EPHA6: variants seen among roughly 807,000 people sequenced by gnomAD.
EPHA6 encodes the protein ephrin type-A receptor 6.
A neutral mutation model predicts 112.0 loss-of-function variants in EPHA6; 50 were observed. The observed-to-expected ratio is 0.45, with a 90% CI of 0.36 to 0.56. EPHA6 has a LOEUF of 0.56. Among genes scored for constraint, EPHA6 ranks in the 20% least tolerant of loss-of-function variants. EPHA6 has a pLI of 0.00. For missense variants in EPHA6, 1,280 were observed against 1,417.4 expected (o/e 0.90, Z 1.56); for synonymous variants, 529 against 490.7 (o/e 1.08, Z -1.03).
intron 15 of EPHA6, among the ~76,000 whole-genome samples, chr3:97,729,124 A>G (rs1322228850): frequency 6.6e-6 from 1 of 152,090 alleles, no homozygotes; most frequent in Non-Finnish European, 1.5e-5. Context: ...ACAACAAATT[A>G]GTCTCTGAAA....
At chr3:97,040,615 C>A (rs1248438958) in intron 3 of EPHA6, among the ~76,000 whole-genome samples, 1 of 151,930 alleles carries the variant, frequency 6.6e-6, no homozygotes, top group Non-Finnish European at 1.5e-5. Context: ...CTGATCAATC[C>A]AAATTGATTT....
chr3:96,889,272 G>A (rs1034175500), intron 2 of EPHA6, among the ~76,000 whole-genome samples: 15 of 151,962 alleles, frequency 9.9e-5, no homozygotes, highest in Non-Finnish European at 1.8e-4. Flanking sequence ...ACCCAATTCC[G>A]AAGTTGCTTC....
intron 14 of EPHA6, among the ~76,000 whole-genome samples, chr3:97,685,981 A>C (rs1372737065): frequency 1.3e-5 from 2 of 152,172 alleles, no homozygotes; most frequent in Non-Finnish European, 2.9e-5. Flanking sequence ...GGCAAATGGC[A>C]TTACACTAAG....
At chr3:96,934,576 T>G (rs936917376) in intron 2 of EPHA6, among the ~76,000 whole-genome samples, 1 of 151,496 alleles carries the variant, frequency 6.6e-6, no homozygotes, top group Non-Finnish European at 1.5e-5. Flanking sequence ...AAACTACCTA[T>G]TGAGTATAAT....
chr3:97,361,873 T>G (rs549293614), intron 5 of EPHA6, among the ~76,000 whole-genome samples: 1 of 152,290 alleles, frequency 6.6e-6, no homozygotes, highest in East Asian at 1.9e-4. Context: ...CATAGCAGCT[T>G]GAGTATACCC....
intron 3 of EPHA6, among the ~76,000 whole-genome samples, chr3:97,031,721 G>A (rs1247872078): frequency 1.3e-5 from 2 of 152,154 alleles, no homozygotes; most frequent in Admixed American, 6.5e-5. Flanking sequence ...GGCCATCAGA[G>A]AAATGCAAAT....
chr3:96,863,152 T>C (rs907005150), intron 1 of EPHA6, among the ~76,000 whole-genome samples: 1 of 152,042 alleles, frequency 6.6e-6, no homozygotes, highest in Non-Finnish European at 1.5e-5. Context: ...TTGTACTCTT[T>C]ACATAAATAA....
At chr3:96,909,455 A>G (rs2039104398) in intron 2 of EPHA6, among the ~76,000 whole-genome samples, 1 of 151,930 alleles carries the variant, frequency 6.6e-6, no homozygotes, top group Admixed American at 6.6e-5. Context: ...ATTCCTTATC[A>G]TTGGCATTTG....
chr3:96,861,677 TAATG>T (rs2036015410), intron 1 of EPHA6, among the ~76,000 whole-genome samples: 1 of 151,978 alleles, frequency 6.6e-6, no homozygotes, highest in Admixed American at 6.6e-5. Context: ...AAAATTAAAA[TAATG>T]AACACCCTCT....
intron 5 of EPHA6, among the ~76,000 whole-genome samples, chr3:97,247,278 TA>T (rs2079012523): frequency 6.6e-6 from 1 of 152,058 alleles, no homozygotes; most frequent in Non-Finnish European, 1.5e-5. Context: ...GTGTTATTCA[TA>T]AACTTTCAAT....
intron 3 of EPHA6, among the ~76,000 whole-genome samples, chr3:97,188,662 A>C (rs1189333773): frequency 1.3e-5 from 2 of 152,072 alleles, no homozygotes; most frequent in East Asian, 3.9e-4. Flanking sequence ...ATAAAGAATA[A>C]GTTATATAAG....
At chr3:97,725,765 C>T (rs2034738146) in intron 15 of EPHA6, among the ~76,000 whole-genome samples, 1 of 152,084 alleles carries the variant, frequency 6.6e-6, no homozygotes, top group Non-Finnish European at 1.5e-5. Context: ...AACCCTCCCA[C>T]ACTGTGACAA....
intron 3 of EPHA6, among the ~76,000 whole-genome samples, chr3:97,049,507 CTT>C (rs1190659510): frequency 6.6e-6 from 1 of 152,134 alleles, no homozygotes; most frequent in Non-Finnish European, 1.5e-5. Flanking sequence ...GCAGATAGAG[CTT>C]TCGGGTGGAT....
chr3:97,326,321 T>A (rs1463042574), intron 5 of EPHA6, among the ~76,000 whole-genome samples: 1 of 151,950 alleles, frequency 6.6e-6, no homozygotes, highest in Non-Finnish European at 1.5e-5. Flanking sequence ...TGCAGCATTA[T>A]ATGCAATAGT....
intron 4 of EPHA6, among the ~76,000 whole-genome samples, chr3:97,228,955 A>G (rs1274119331): frequency 6.6e-6 from 1 of 152,052 alleles, no homozygotes; most frequent in Non-Finnish European, 1.5e-5. Flanking sequence ...TTTGATTTGC[A>G]TTTCCTTGAT....
chr3:97,420,222 T>C (rs2088503605), intron 6 of EPHA6, among the ~76,000 whole-genome samples: 1 of 152,034 alleles, frequency 6.6e-6, no homozygotes, highest in South Asian at 2.1e-4. Context: ...CAAGTTATAA[T>C]AATGTCACTC....
At chr3:97,324,405 T>TCTTCTTTC (rs2082268637) in intron 5 of EPHA6, among the ~76,000 whole-genome samples, 1 of 104,492 alleles carries the variant, frequency 9.6e-6, no homozygotes, top group Non-Finnish European at 1.9e-5. Context: ...GCTTTCCTTC[T>TCTTCTTTC]TTTCTTTCTT....
chr3:96,892,536 T>C (rs1455825363), intron 2 of EPHA6, among the ~76,000 whole-genome samples: 1 of 151,906 alleles, frequency 6.6e-6, no homozygotes, highest in East Asian at 1.9e-4. Context: ...GATCACTTCT[T>C]ATTGTTGCAT....
chr3:97,239,360 T>TATAAAAAAACTATATAAAAATACAGTA (rs2078775357), intron 4 of EPHA6, among the ~76,000 whole-genome samples: 1 of 151,820 alleles, frequency 6.6e-6, no homozygotes, highest in Non-Finnish European at 1.5e-5. Flanking sequence ...AGTAGACCCT[T>TATAAAAAAACTATATAAAAATACAGTA]GAACAACATG....
Sources: gnomAD v4.1 joint callset for allele counts (sites outside exome capture counted in the v4.1 genomes callset) on GRCh38, gnomAD v4.1.1 for gene constraint, MANE v1.5 for transcripts, NCBI Gene and HGNC (gene_info 2026-07-23, HGNC 2026-07-21) for gene names.